GPHN: variants seen among roughly 807,000 people sequenced by gnomAD.
The protein encoded by GPHN is gephyrin.
A neutral mutation model predicts 95.5 loss-of-function variants in GPHN; 17 were observed. The observed-to-expected ratio is 0.18, with a 90% CI of 0.12 to 0.27. GPHN has a LOEUF of 0.27. GPHN is among the 10% of genes least tolerant of loss of function. The probability of loss-of-function intolerance (pLI) is 1.00; values close to 1 mark genes in which losing one functional copy is unlikely to be tolerated. For missense variants in GPHN, 660 were observed against 978.1 expected (o/e 0.67, Z 4.34); for synonymous variants, 320 against 322.5 (o/e 0.99, Z 0.08).
intron 18 of GPHN, among the ~76,000 whole-genome samples, chr14:67,149,823 CCTTAGTGTAGCAAAGATGAA>C (rs1567409171): frequency 2.6e-5 from 4 of 152,154 alleles, no homozygotes; most frequent in Non-Finnish European, 4.4e-5. Context: ...CCCTTTTACA[CCTTAGTGTAGCAAAGATGAA>C]TCAACACATT....
At chr14:67,516,277 G>A in the GPHN span, among the ~76,000 whole-genome samples, 1 of 152,116 alleles carries the variant, frequency 6.6e-6, no homozygotes, top group Non-Finnish European at 1.5e-5. Flanking sequence ...ACACCCTCTG[G>A]GGGTGTCCTT....
chr14:67,012,763 C>T (rs1045107783), intron 9 of GPHN, among the ~76,000 whole-genome samples: 9 of 152,122 alleles, frequency 5.9e-5, no homozygotes, highest in Admixed American at 4.6e-4. Context: ...AGCCTTTGCA[C>T]ACCTTTAGCT....
At chr14:67,340,526 A>T in the GPHN span, 10 of 328,352 alleles carry the variant, frequency 3.0e-5, no homozygotes, top group Non-Finnish European at 3.8e-5. Flanking sequence ...TGACTAGAAT[A>T]AAAAAAAAAA....
the GPHN span, among the ~76,000 whole-genome samples, chr14:67,521,914 T>C: frequency 1.3e-5 from 2 of 152,162 alleles, no homozygotes; most frequent in Non-Finnish European, 1.5e-5. Context: ...CGGTGGCTCA[T>C]GTTTGTAATC....
the GPHN span, chr14:67,392,666 G>A: frequency 1.2e-6 from 2 of 1,609,982 alleles, no homozygotes; most frequent in Non-Finnish European, 1.7e-6. Context: ...ACTTACAAAA[G>A]TGTACAGGGC....
intron 4 of GPHN, among the ~76,000 whole-genome samples, chr14:66,868,891 A>AG (rs950736213): frequency 3.3e-5 from 5 of 152,214 alleles, no homozygotes; most frequent in African/African-American, 1.2e-4. Context: ...CAAAGTATCA[A>AG]GAAAAAAAAA....
At position 66,763,630 on chromosome 14, in the gene GPHN, C is replaced by T. The variant is rs1046079733; in HGVS notation, c.144-12834C>T. ...GTATATGTGCCACATTTTCTTAATCCAGTCTATCATTGTTGGACATTTTAT... is the reference window on the plus strand; with the variant it reads ...GTATATGTGCCACATTTTCTTAATCTAGTCTATCATTGTTGGACATTTTAT... On this transcript the variant is annotated intron_variant, in intron 2 of 22. Transcript: ENST00000478722. Among the ~76,000 whole-genome samples, 5 of 151,700 alleles carry T rather than the reference C, an allele frequency of 3.3e-5. No individual in the cohort carries two copies. The East Asian group carries it at 7.7e-4, about 24-fold the overall frequency.
the GPHN span, among the ~76,000 whole-genome samples, chr14:67,543,973 G>A: frequency 3.9e-5 from 6 of 152,152 alleles, no homozygotes; most frequent in Non-Finnish European, 5.9e-5. Context: ...GGCCTCCCTA[G>A]AGTAATGTAA....
intron 1 of GPHN, among the ~76,000 whole-genome samples, chr14:66,541,451 A>G (rs1490859654): frequency 6.6e-6 from 1 of 152,242 alleles, no homozygotes; most frequent in Admixed American, 6.5e-5. Context: ...TATATTTCAC[A>G]ATAGAGGTTC....
chr14:66,613,696 G>C (rs1001991068), intron 1 of GPHN, among the ~76,000 whole-genome samples: 2 of 151,638 alleles, frequency 1.3e-5, no homozygotes, highest in African/African-American at 4.8e-5. Context: ...TATTTTTCTT[G>C]GATAGATATT....
the GPHN span, chr14:67,594,026 T>G: frequency 3.2e-6 from 3 of 945,540 alleles, no homozygotes; most frequent in Admixed American, 4.2e-5. Flanking sequence ...GAGGGGAACA[T>G]GCATGGAGGA....
At chr14:67,127,340 G>GGGTTTT (rs1491518840) in intron 17 of GPHN, among the ~76,000 whole-genome samples, 1 of 100,510 alleles carries the variant, frequency 9.9e-6, no homozygotes, top group East Asian at 2.9e-4. Context: ...TGGTTTGTTT[G>GGGTTTT]GGTTTTTGTT....
At chr14:66,686,224 A>G (rs2067351048) in intron 2 of GPHN, among the ~76,000 whole-genome samples, 5 of 152,194 alleles carry the variant, frequency 3.3e-5, no homozygotes, top group Admixed American at 6.5e-5. Context: ...TGACTTGGCA[A>G]TGTGGGCTCT....
chr14:66,912,675 A>G (rs942252028), intron 5 of GPHN, among the ~76,000 whole-genome samples: 1 of 152,132 alleles, frequency 6.6e-6, no homozygotes, highest in African/African-American at 2.4e-5. Flanking sequence ...TCCATGTATC[A>G]TCTCCAATGC....
At chr14:67,579,982 G>A in the GPHN span, 9 of 1,100,882 alleles carry the variant, frequency 8.2e-6, no homozygotes, top group Admixed American at 1.6e-4. Flanking sequence ...AGCTCATTTG[G>A]TGCTGAGCCC....
the GPHN span, chr14:67,584,257 G>A: frequency 1.2e-6 from 1 of 859,456 alleles, no homozygotes; most frequent in Non-Finnish European, 1.8e-6. Context: ...CACTGTTTCT[G>A]GCCTAGTCCA....
At chr14:67,341,555 G>T in the GPHN span, among the ~76,000 whole-genome samples, 3 of 151,020 alleles carry the variant, frequency 2.0e-5, no homozygotes, top group African/African-American at 7.4e-5. Flanking sequence ...CCGTCCGGGA[G>T]GGAGGTGGGG....
chr14:67,466,319 T>G, the GPHN span, among the ~76,000 whole-genome samples: 2 of 152,196 alleles, frequency 1.3e-5, no homozygotes, highest in Non-Finnish European at 2.9e-5. Context: ...AGAAAGTGTA[T>G]TACCAGAATG....
chr14:66,973,956 T>C (rs942737536), intron 9 of GPHN, among the ~76,000 whole-genome samples: 8 of 152,200 alleles, frequency 5.3e-5, no homozygotes, highest in African/African-American at 1.9e-4. Context: ...GATATAATAC[T>C]CTATATCAAT....
Sources: gnomAD v4.1 joint callset for allele counts (sites outside exome capture counted in the v4.1 genomes callset) on GRCh38, gnomAD v4.1.1 for gene constraint, MANE v1.5 for transcripts, NCBI Gene and HGNC (gene_info 2026-07-23, HGNC 2026-07-21) for gene names.